Variants in MEMO1 observed in about 807,000 individuals in gnomAD.
The protein encoded by MEMO1 is mediator of cell motility 1.
MEMO1 carries 6 observed loss-of-function variants against 45.2 expected under a neutral mutation model. The ratio of observed to expected loss-of-function variants is 0.13; its 90% CI spans 0.07 to 0.26. The LOEUF is 0.26. Ranked by LOEUF, MEMO1 falls within the 10% of genes least tolerant of loss-of-function variation. MEMO1 has a pLI of 1.00. For synonymous variants in MEMO1, 78 were observed against 124.3 expected, an observed-to-expected ratio of 0.63 and a Z score of 2.48; for missense variants, 184 against 370.5, an observed-to-expected ratio of 0.50 and a Z score of 4.13.
intron 2 of MEMO1, among the ~76,000 whole-genome samples, chr2:31,950,653 G>A (rs778946599): frequency 6.6e-5 from 10 of 150,610 alleles, no homozygotes; most frequent in East Asian, 2.0e-4. Context: ...CCTGGGAAGC[G>A]GAGGTTGCAG....
intron 4 of MEMO1, among the ~76,000 whole-genome samples, chr2:31,925,498 A>AAAAAAAAAAAAC (rs1682968090): frequency 2.0e-5 from 3 of 146,752 alleles, no homozygotes; most frequent in Admixed American, 6.8e-5. Context: ...AAAAAAAAAA[A>AAAAAAAAAAAAC]ATCTGTTCCC....
chr2:31,918,821 T>A (rs1008258400), intron 5 of MEMO1, among the ~76,000 whole-genome samples: 2 of 152,160 alleles, frequency 1.3e-5, no homozygotes, highest in Non-Finnish European at 1.5e-5. Flanking sequence ...TGGGTTTACC[T>A]GTATCAAAGA....
At chr2:31,898,076 T>G (rs1376809094) in intron 6 of MEMO1, among the ~76,000 whole-genome samples, 1 of 152,048 alleles carries the variant, frequency 6.6e-6, no homozygotes, top group Non-Finnish European at 1.5e-5. Context: ...TTTATCATTT[T>G]TTACTGTGTC....
At chr2:31,917,353 T>C (rs1177880757) in intron 6 of MEMO1, among the ~76,000 whole-genome samples, 1 of 152,180 alleles carries the variant, frequency 6.6e-6, no homozygotes, top group Admixed American at 6.6e-5. Context: ...AACTACTATG[T>C]GCTGGACACT....
In MEMO1 at chr2:31,960,833, G is replaced by A. The variant is rs561045468; in HGVS notation, c.62-17450C>T. Among the ~76,000 whole-genome samples, 179 of 152,040 alleles carry A rather than the reference G, an allele frequency of 1.2e-3. 2 individuals carry two copies. Among genetic ancestry groups the A allele is most frequent in the African/African-American group, 3.0e-3 (126 of 41,492 alleles). On this transcript the variant is annotated intron_variant, in intron 2 of 9. Transcript: ENST00000404530. ...GCTCCTGACCTCAAGTGATCCGCCC[G>A]CCTCAGCCTACCAAAGTGCTAGGAT...
intron 4 of MEMO1, among the ~76,000 whole-genome samples, chr2:31,927,050 G>A (rs1243946523): frequency 6.6e-6 from 1 of 152,052 alleles, no homozygotes; most frequent in Non-Finnish European, 1.5e-5. Flanking sequence ...CAAATATTCG[G>A]CTGGGTGCGG....
At chr2:31,895,019 A>G (rs1471327836) in intron 6 of MEMO1, among the ~76,000 whole-genome samples, 1 of 152,188 alleles carries the variant, frequency 6.6e-6, no homozygotes, top group Non-Finnish European at 1.5e-5. Context: ...GCCAAGCTTA[A>G]AATTAAAAAT....
intron 2 of MEMO1, among the ~76,000 whole-genome samples, chr2:31,974,016 T>C (rs1458294268): frequency 1.3e-5 from 2 of 152,194 alleles, no homozygotes; most frequent in Non-Finnish European, 2.9e-5. Flanking sequence ...TAGATAAATC[T>C]TTTTATAGGA....
Position 31,993,081 on chromosome 2 carries a change from G to A in MEMO1, c.61+17106C>T, listed in dbSNP as rs555625549. ...CCAGCTATTCAGGAGGCAGATGCAC[G>A]AGGATCACTGGAGCCAAGGAATTTG... On this transcript the variant is annotated intron_variant, in intron 2 of 9. Transcript: ENST00000404530. Among the ~76,000 whole-genome samples, 13 of 152,228 alleles carry A rather than the reference G, an allele frequency of 8.5e-5. No individual in the cohort carries two copies. The South Asian group carries it at 1.9e-3, about 22-fold the overall frequency.
chr2:31,998,043 C>T (rs967068956), intron 2 of MEMO1, among the ~76,000 whole-genome samples: 1 of 152,104 alleles, frequency 6.6e-6, no homozygotes, highest in African/African-American at 2.4e-5. Flanking sequence ...GAATCTCACT[C>T]GGTCACTCAA....
chr2:31,970,852 C>A (rs993575027), intron 2 of MEMO1, among the ~76,000 whole-genome samples: 1 of 151,868 alleles, frequency 6.6e-6, no homozygotes, highest in Admixed American at 6.6e-5. Flanking sequence ...AAAAATAGAC[C>A]AATTAGCTGG....
At chr2:31,913,248 CAAA>C (rs3065389) in intron 6 of MEMO1, among the ~76,000 whole-genome samples, 3 of 44,422 alleles carry the variant, frequency 6.8e-5, no homozygotes, top group Non-Finnish European at 4.8e-5. Context: ...GACTCCGTCT[CAAA>C]AAAAAAAAAA....
At chr2:31,920,686 A>AT in intron 5 of MEMO1, 112 bp downstream of exon 5, 1 of 533,758 alleles carries the variant, frequency 1.9e-6, no homozygotes, top group East Asian at 4.0e-5. Flanking sequence ...AACAATTTTT[A>AT]TTTTAAATAT....
chr2:31,939,109 CAAA>C (rs34125983), intron 3 of MEMO1, among the ~76,000 whole-genome samples: 16 of 144,702 alleles, frequency 1.1e-4, no homozygotes, highest in East Asian at 4.0e-4. Flanking sequence ...TTTTCTACCT[CAAA>C]AAAAAAAAAA....
intron 7 of MEMO1, among the ~76,000 whole-genome samples, chr2:31,886,875 A>G (rs1676265340): frequency 1.3e-5 from 2 of 152,200 alleles, no homozygotes; most frequent in Admixed American, 1.3e-4. Flanking sequence ...TCTAGCTTTA[A>G]GAGCCATTGA....
chr2:31,989,796 G>T (rs1319263556), intron 2 of MEMO1, among the ~76,000 whole-genome samples: 1 of 152,078 alleles, frequency 6.6e-6, no homozygotes, highest in African/African-American at 2.4e-5. Context: ...GTTAAATATG[G>T]CTATCCATAA....
chr2:31,901,760 T>TAGATTGTGAGAA (rs1558489019), intron 6 of MEMO1, among the ~76,000 whole-genome samples: 1 of 151,454 alleles, frequency 6.6e-6, no homozygotes, highest in African/African-American at 2.4e-5. Context: ...TACAAAAAAA[T>TAGATTGTGAGAA]TAGCTGGGCG....
chr2:32,010,022 G>A (rs1278187449), intron 2 of MEMO1, among the ~76,000 whole-genome samples, 165 bp downstream of exon 2: 2 of 148,174 alleles, frequency 1.3e-5, no homozygotes, highest in Non-Finnish European at 3.0e-5. Context: ...GAGGCGGCGA[G>A]GCCGGCCTCG....
intron 8 of MEMO1, among the ~76,000 whole-genome samples, chr2:31,877,744 A>C (rs946455007): frequency 4.6e-5 from 7 of 152,152 alleles, no homozygotes; most frequent in African/African-American, 1.7e-4. Flanking sequence ...ATAAATATTT[A>C]AATACTTCAT....
Sources: gnomAD v4.1 joint callset for allele counts (sites outside exome capture counted in the v4.1 genomes callset) on GRCh38, gnomAD v4.1.1 for gene constraint, MANE v1.5 for transcripts, NCBI Gene and HGNC (gene_info 2026-07-23, HGNC 2026-07-21) for gene names.